AGBL4: variants seen among roughly 807,000 people sequenced by gnomAD.
AGBL4 encodes the protein AGBL carboxypeptidase 4.
A neutral mutation model predicts 66.4 loss-of-function variants in AGBL4; 58 were observed. The ratio of observed to expected loss-of-function variants is 0.87; its 90% CI spans 0.71 to 1.09. The LOEUF (loss-of-function observed/expected upper bound fraction) is 1.09. Ranked by LOEUF, AGBL4 falls within the 50% of genes least tolerant of loss-of-function variation. The pLI is 0.00. For missense variants in AGBL4, 579 were observed against 631.0 expected (o/e 0.92, Z 0.88); for synonymous variants, 234 against 222.9 (o/e 1.05, Z -0.44).
At position 49,955,840 on chromosome 1, in the gene AGBL4, T is replaced by C. The variant is rs780580735; in HGVS notation, c.34+67923A>G. 3.2e-4 allele frequency among the ~76,000 whole-genome samples: 49 copies of C among 151,904 alleles called. 1 individual carries two copies. Among genetic ancestry groups the C allele is most frequent in the Non-Finnish European group, 7.4e-5 (5 of 67,910 alleles). ...CAATGCAATCACTCTGTGCCAATTT[T>C]AGGAAGATTTTATTACCTTCTGGCT... On this transcript the variant is annotated intron_variant, in intron 1 of 13. Coordinates refer to ENST00000371839, the MANE Select transcript of AGBL4 (RefSeq NM_032785.4).
chr1:49,892,173 C>T (rs1648722929), intron 1 of AGBL4, among the ~76,000 whole-genome samples: 1 of 152,150 alleles, frequency 6.6e-6, no homozygotes, highest in Non-Finnish European at 1.5e-5. Flanking sequence ...AACCTGGCAA[C>T]CTAAGTACTT....
chr1:49,084,670 G>A (rs749996893), intron 4 of AGBL4, among the ~76,000 whole-genome samples: 25 of 152,306 alleles, frequency 1.6e-4, no homozygotes, highest in Admixed American at 8.5e-4. Context: ...ATATCACTGA[G>A]TTTTTCAAGA....
At chr1:49,625,625 AC>A (rs1260662826) in intron 3 of AGBL4, among the ~76,000 whole-genome samples, 2 of 152,112 alleles carry the variant, frequency 1.3e-5, no homozygotes, top group Non-Finnish European at 2.9e-5. Context: ...CTGTTACTGA[AC>A]CCCAAGGAGC....
At chr1:49,714,290 T>C (rs1647903152) in intron 2 of AGBL4, among the ~76,000 whole-genome samples, 1 of 151,928 alleles carries the variant, frequency 6.6e-6, no homozygotes, top group African/African-American at 2.4e-5. Context: ...ATTTTCAGTG[T>C]AGCCATCACC....
chr1:48,645,984 T>C (rs1645828819), intron 8 of AGBL4, among the ~76,000 whole-genome samples: 1 of 152,090 alleles, frequency 6.6e-6, no homozygotes, highest in African/African-American at 2.4e-5. Context: ...GAACACATGA[T>C]CTTCAAATGG....
chr1:49,597,361 A>G (rs12040136), intron 3 of AGBL4, among the ~76,000 whole-genome samples: 1 of 152,232 alleles, frequency 6.6e-6, no homozygotes, highest in African/African-American at 2.4e-5. Flanking sequence ...TCTGCAAAGG[A>G]AAAGTACAGA....
intron 6 of AGBL4, among the ~76,000 whole-genome samples, chr1:48,842,918 C>G (rs1317111367): frequency 6.6e-6 from 1 of 151,030 alleles, no homozygotes; most frequent in Non-Finnish European, 1.5e-5. Flanking sequence ...AAGCTAGCCA[C>G]AAAAAAGAAA....
At chr1:49,673,857 GGA>G (rs2124535182) in intron 3 of AGBL4, among the ~76,000 whole-genome samples, 1 of 152,066 alleles carries the variant, frequency 6.6e-6, no homozygotes, top group Non-Finnish European at 1.5e-5. Context: ...TGGGGATGCT[GGA>G]GAAGAAGTGC....
intron 6 of AGBL4, among the ~76,000 whole-genome samples, chr1:48,844,183 C>T (rs1341970453): frequency 6.6e-6 from 1 of 152,188 alleles, no homozygotes; most frequent in Non-Finnish European, 1.5e-5. Context: ...GATGCCCTCT[C>T]ACTGCAGGAT....
At chr1:49,671,167 G>C (rs1646467568) in intron 3 of AGBL4, among the ~76,000 whole-genome samples, 1 of 151,750 alleles carries the variant, frequency 6.6e-6, no homozygotes, top group Admixed American at 6.6e-5. Flanking sequence ...AGAATAGAGA[G>C]CCCGGAAATA....
At chr1:49,546,123 T>C (rs898300851) in intron 3 of AGBL4, among the ~76,000 whole-genome samples, 1 of 152,156 alleles carries the variant, frequency 6.6e-6, no homozygotes, top group Admixed American at 6.6e-5. Context: ...AGTGAGAACA[T>C]ATGATGTTTG....
intron 6 of AGBL4, among the ~76,000 whole-genome samples, chr1:48,789,500 A>G (rs1281861929): frequency 6.6e-6 from 1 of 152,050 alleles, no homozygotes; most frequent in African/African-American, 2.4e-5. Context: ...CATGTTAGCC[A>G]GGATGGTCTT....
intron 5 of AGBL4, among the ~76,000 whole-genome samples, chr1:48,882,908 T>C (rs1649931858): frequency 2.0e-5 from 3 of 152,216 alleles, no homozygotes; most frequent in Non-Finnish European, 4.4e-5. Flanking sequence ...TAGATTAATG[T>C]CCTTCAGGTT....
intron 4 of AGBL4, among the ~76,000 whole-genome samples, chr1:49,105,842 A>C (rs1056464639): frequency 6.6e-6 from 1 of 152,178 alleles, no homozygotes; most frequent in Non-Finnish European, 1.5e-5. Flanking sequence ...TTCTCAATAA[A>C]TGTTCCTTTT....
At chr1:49,574,134 G>T (rs2148874507) in intron 3 of AGBL4, among the ~76,000 whole-genome samples, 1 of 152,262 alleles carries the variant, frequency 6.6e-6, no homozygotes, top group South Asian at 2.1e-4. Flanking sequence ...GTGAGAGTGT[G>T]AACAATGATG....
chr1:49,232,213 A>G (rs1055106032), intron 4 of AGBL4, among the ~76,000 whole-genome samples: 6 of 152,180 alleles, frequency 3.9e-5, no homozygotes, highest in African/African-American at 1.4e-4. Flanking sequence ...CAGATAAGTG[A>G]ACTATATAGT....
intron 4 of AGBL4, among the ~76,000 whole-genome samples, chr1:49,207,586 C>CTT (rs1553166450): frequency 1.9e-5 from 2 of 105,718 alleles, no homozygotes; most frequent in Non-Finnish European, 4.0e-5. Context: ...TTCTTTCTTT[C>CTT]TTTCTTTCTT....
intron 2 of AGBL4, among the ~76,000 whole-genome samples, chr1:49,791,921 C>T (rs1386379293): frequency 6.6e-6 from 1 of 152,026 alleles, no homozygotes; most frequent in African/African-American, 2.4e-5. Flanking sequence ...CACTTATGTA[C>T]ACCCTACGCC....
chr1:49,961,030 CT>C (rs1441941190), intron 1 of AGBL4, among the ~76,000 whole-genome samples: 6 of 151,994 alleles, frequency 3.9e-5, no homozygotes, highest in Admixed American at 3.9e-4. Flanking sequence ...AATAAAGTGC[CT>C]TCTGTGCCAT....
Sources: allele counts gnomAD v4.1 joint callset (sites outside exome capture counted in the v4.1 genomes callset), GRCh38; gene constraint gnomAD v4.1.1; transcripts MANE v1.5; gene names NCBI Gene and HGNC (gene_info 2026-07-23, HGNC 2026-07-21).